GRID2: variants seen among roughly 807,000 people sequenced by gnomAD.
GRID2 encodes glutamate ionotropic receptor delta type subunit 2.
In GRID2, 33 loss-of-function variants were observed where a neutral mutation model predicts 114.8. The ratio of observed to expected loss-of-function variants is 0.29; its 90% CI spans 0.22 to 0.38. The LOEUF is 0.38. GRID2 is among the 10% of genes least tolerant of loss of function. GRID2 has a pLI of 1.00. For synonymous variants in GRID2, 505 were observed against 449.9 expected, an observed-to-expected ratio of 1.12 and a Z score of -1.55; for missense variants, 1,184 against 1,257.7, an observed-to-expected ratio of 0.94 and a Z score of 0.89.
At chr4:92,901,545 A>T (rs901480011) in intron 2 of GRID2, among the ~76,000 whole-genome samples, 3 of 152,148 alleles carry the variant, frequency 2.0e-5, no homozygotes, top group Non-Finnish European at 4.4e-5. Context: ...TTGAGGTCCT[A>T]GTCATAAATT....
intron 2 of GRID2, among the ~76,000 whole-genome samples, chr4:92,715,478 T>G (rs1292951220): frequency 1.3e-5 from 2 of 152,048 alleles, no homozygotes; most frequent in Non-Finnish European, 2.9e-5. Context: ...ACCCCTGCTA[T>G]CAATTTACTG....
intron 1 of GRID2, among the ~76,000 whole-genome samples, chr4:92,475,933 A>T (rs1296953022): frequency 2.6e-5 from 4 of 151,496 alleles, no homozygotes; most frequent in Admixed American, 6.6e-5. Flanking sequence ...TTTATTGTAG[A>T]TATTGCAAAT....
chr4:93,075,943 A>G (rs1336300966), intron 2 of GRID2, among the ~76,000 whole-genome samples: 7 of 115,074 alleles, frequency 6.1e-5, no homozygotes, highest in African/African-American at 2.4e-4. Context: ...TCGCTCTGTC[A>G]CCCAGGCTGA....
intron 4 of GRID2, among the ~76,000 whole-genome samples, chr4:93,135,501 G>T (rs527968601): frequency 6.6e-6 from 1 of 152,108 alleles, no homozygotes; most frequent in Non-Finnish European, 1.5e-5. Flanking sequence ...TTCCCAAATT[G>T]GGATTTTGTA....
At chr4:93,115,292 C>T (rs763986079) in intron 4 of GRID2, among the ~76,000 whole-genome samples, 3 of 151,224 alleles carry the variant, frequency 2.0e-5, no homozygotes, top group Non-Finnish European at 4.4e-5. Context: ...TTGCATTGTT[C>T]AAAATTTAAA....
intron 1 of GRID2, among the ~76,000 whole-genome samples, chr4:93,786,554 G>A (rs1734595414): frequency 6.6e-6 from 1 of 152,194 alleles, no homozygotes; most frequent in Admixed American, 6.5e-5. Flanking sequence ...CTGCATGAAA[G>A]GCAAAAGTAT....
At chr4:93,592,316 C>G (rs566429353) in intron 13 of GRID2, among the ~76,000 whole-genome samples, 6 of 152,028 alleles carry the variant, frequency 3.9e-5, no homozygotes, top group South Asian at 2.1e-4. Flanking sequence ...CGTTATGTAC[C>G]CAGTAGTCAT....
intron 2 of GRID2, among the ~76,000 whole-genome samples, chr4:92,873,494 C>G (rs1047047737): frequency 6.6e-6 from 1 of 151,890 alleles, no homozygotes; most frequent in Non-Finnish European, 1.5e-5. Flanking sequence ...TCACCTTGCT[C>G]CAGTATAAAT....
chr4:92,314,704 T>C (rs937296936), intron 1 of GRID2, among the ~76,000 whole-genome samples: 5 of 152,140 alleles, frequency 3.3e-5, no homozygotes, highest in African/African-American at 1.2e-4. Context: ...AAGGTATATA[T>C]GAAGCATAAA....
At chr4:92,852,322 G>C (rs1743875770) in intron 2 of GRID2, among the ~76,000 whole-genome samples, 1 of 151,606 alleles carries the variant, frequency 6.6e-6, no homozygotes, top group African/African-American at 2.4e-5. Flanking sequence ...CATCTGTACT[G>C]TCTCCTCTTT....
In GRID2 at chr4:92,443,217, T is replaced by C. The variant is rs558132314; in HGVS notation, c.88+138473T>C. Among the ~76,000 whole-genome samples the C allele has an allele frequency of 3.1e-3, 468 of 152,260 alleles. 4 individuals carry two copies. The highest frequency in any genetic ancestry group is 0.01 in the African/African-American group (433 of 41,532). Reference sequence around the variant, plus strand: ...CGTCAGGCACCTCAGACCGTTTGCCTATTTTATGACAAGAATTATTTAGAT... The same window carrying C: ...CGTCAGGCACCTCAGACCGTTTGCCCATTTTATGACAAGAATTATTTAGAT... On this transcript the variant is annotated intron_variant, in intron 1 of 15. Coordinates refer to ENST00000282020, the MANE Select transcript of GRID2 (RefSeq NM_001510.4).
At chr4:93,278,282 T>A (rs185662299) in intron 8 of GRID2, among the ~76,000 whole-genome samples, 139 of 147,244 alleles carry the variant, frequency 9.4e-4, no homozygotes, top group African/African-American at 3.3e-3. Context: ...AAAAAAAACA[T>A]GTTATTCGGT....
chr4:93,581,277 A>G (rs1736960574), intron 13 of GRID2, among the ~76,000 whole-genome samples: 1 of 152,154 alleles, frequency 6.6e-6, no homozygotes, highest in Non-Finnish European at 1.5e-5. Flanking sequence ...TTTCTTATTC[A>G]TAAGTCTCAC....
chr4:92,874,260 G>T (rs968229758), intron 2 of GRID2, among the ~76,000 whole-genome samples: 2 of 152,132 alleles, frequency 1.3e-5, no homozygotes, highest in Admixed American at 1.3e-4. Flanking sequence ...TTCAAATGTT[G>T]TAGCGTCTTC....
At chr4:93,629,076 A>AT (rs1205794272) in intron 14 of GRID2, among the ~76,000 whole-genome samples, 2 of 152,038 alleles carry the variant, frequency 1.3e-5, no homozygotes, top group Admixed American at 6.6e-5. Context: ...GATTTTCTGG[A>AT]TTTTTTATGT....
At chr4:93,330,130 G>T (rs1177732787) in intron 8 of GRID2, among the ~76,000 whole-genome samples, 1 of 152,070 alleles carries the variant, frequency 6.6e-6, no homozygotes, top group Non-Finnish European at 1.5e-5. Context: ...ATCGCATTAG[G>T]TTTAAGAAGA....
chr4:92,955,580 G>A (rs905457077), intron 2 of GRID2, among the ~76,000 whole-genome samples: 1 of 152,094 alleles, frequency 6.6e-6, no homozygotes, highest in Admixed American at 6.6e-5. Context: ...TGTTCTCTCT[G>A]ATGGTAGTTT....
intron 4 of GRID2, among the ~76,000 whole-genome samples, chr4:93,129,152 C>A (rs1463970736): frequency 1.3e-5 from 2 of 152,284 alleles, no homozygotes; most frequent in African/African-American, 2.4e-5. Context: ...CTTAACCACA[C>A]ACCACACAAA....
chr4:93,272,354 A>G (rs2149571297), intron 8 of GRID2, among the ~76,000 whole-genome samples: 2 of 152,316 alleles, frequency 1.3e-5, no homozygotes, highest in South Asian at 4.1e-4. Context: ...CAAGACAGAG[A>G]CTATTAGGAA....
Sources: gnomAD v4.1 joint callset for allele counts (sites outside exome capture counted in the v4.1 genomes callset) on GRCh38, gnomAD v4.1.1 for gene constraint, MANE v1.5 for transcripts, NCBI Gene and HGNC (gene_info 2026-07-23, HGNC 2026-07-21) for gene names.